PCDHGA3: variants seen among roughly 807,000 people sequenced by gnomAD.
PCDHGA3 encodes the protein protocadherin gamma subfamily A, 3.
PCDHGA3 carries 40 observed loss-of-function variants against 58.5 expected under a neutral mutation model. The ratio of observed to expected loss-of-function variants is 0.68; its 90% CI spans 0.53 to 0.89. The LOEUF is 0.89. PCDHGA3 is among the 40% of genes least tolerant of loss of function. The pLI, the probability that PCDHGA3 is intolerant of heterozygous loss-of-function variation, is 0.00. For synonymous variants in PCDHGA3, 530 were observed against 525.7 expected (o/e 1.01, Z -0.11); for missense variants, 1,223 against 1,195.9 (o/e 1.02, Z -0.33).
intron 1 of PCDHGA3, among the ~76,000 whole-genome samples, chr5:141,437,886 C>T (rs763669578): frequency 1.1e-4 from 17 of 152,140 alleles, no homozygotes; most frequent in Non-Finnish European, 1.5e-4. Context: ...TACAGGCACA[C>T]GCCACCACAC....
In PCDHGA3 at chr5:141,392,739, A is replaced by G. The variant is rs1024855569; in HGVS notation, c.2424+46282A>G. On this transcript the variant is annotated intron_variant, in intron 1 of 3. Transcript: ENST00000253812. ...GTTTCCGGAGGATTGTCATCTCCAT[A>G]GCTGCGGCAAGAAACTAAATAAGAC... The G allele has an allele frequency of 2.1e-5, 30 of 1,432,662 alleles. No individual in the cohort carries two copies. The African/African-American group carries it at 4.2e-4, about 20-fold the overall frequency. 88.7% of individuals were successfully genotyped at this position (1,432,662 alleles called of 1,614,324 possible).
At chr5:141,450,869 G>A (rs1435272731) in intron 1 of PCDHGA3, among the ~76,000 whole-genome samples, 1 of 147,142 alleles carries the variant, frequency 6.8e-6, no homozygotes, top group Admixed American at 6.9e-5. Context: ...CTGTCACCCA[G>A]GCTGGTGTGC....
chr5:141,345,305 C>T lies in PCDHGA3; in HGVS notation c.1272C>T (p.Ala424=), dbSNP rs1757552187. The T allele has an allele frequency of 6.2e-6, 10 of 1,613,974 alleles. No homozygotes were observed. The highest frequency in any genetic ancestry group is 8.5e-6 in the Non-Finnish European group (10 of 1,179,874). The change falls in exon 1 of 4, where the codon GCC becomes GCT. Residue 424 remains alanine (A), a synonymous_variant. Coordinates refer to ENST00000253812, the MANE Select transcript of PCDHGA3 (RefSeq NM_018916.4). ...QISEYNISLR[A]SDGGSPPLST... ...CAGAATATAACATTAGTCTGAGAGC[C>T]TCAGATGGGGGAAGCCCGCCACTGT...
intron 1 of PCDHGA3, among the ~76,000 whole-genome samples, chr5:141,439,631 A>C (rs1459977985): frequency 2.0e-5 from 3 of 152,214 alleles, no homozygotes; most frequent in Non-Finnish European, 2.9e-5. Context: ...ATCCCCAGAC[A>C]TTCCGGCTTG....
chr5:141,416,722 A>G (rs891558095), intron 1 of PCDHGA3: 3 of 152,258 alleles, frequency 2.0e-5, no homozygotes, highest in Admixed American at 6.5e-5. Context: ...TGATGAGTTC[A>G]TTTAGTTCAA....
intron 2 of PCDHGA3, among the ~76,000 whole-genome samples, chr5:141,495,922 C>G (rs1263216717): frequency 6.6e-6 from 1 of 152,100 alleles, no homozygotes; most frequent in Non-Finnish European, 1.5e-5. Context: ...CTTTCTTTGT[C>G]TCTGTCTCTG....
chr5:141,346,453 T>A lies in PCDHGA3; in HGVS notation c.2420T>A (p.Leu807His). ...GAAATGAAAGGAGATTCCAACCTAC[T>A]TCAGGTGAGTTTATTTATTTCTTTG... ...LLEMKGDSNL[L>H]QQAPPNTDWR... Residue 807 changes from leucine (L) to histidine (H), a missense_variant, in exon 1 of 4, where the codon CTT becomes CAT. Leu to His is a moderately conservative substitution (Grantham distance 99, BLOSUM62 -3). This residue lies in a region of PCDHGA3 where 325 missense variants were observed against 327.5 expected (regional missense o/e 0.99). Coordinates refer to ENST00000253812, the MANE Select transcript of PCDHGA3 (RefSeq NM_018916.4). The A allele has an allele frequency of 2.5e-6, 4 of 1,614,204 alleles. No individual in the cohort carries two copies. The highest frequency in any genetic ancestry group is 3.4e-6 in the Non-Finnish European group (4 of 1,180,038).
In PCDHGA3 at chr5:141,431,777, G is replaced by T. The variant is rs151011884; in HGVS notation, c.2425-63030G>T. 5,401 of 1,614,186 alleles carry T rather than the reference G, an allele frequency of 3.3e-3. 6 individuals are homozygous for T. Among genetic ancestry groups the T allele is most frequent in the Non-Finnish European group, 4.2e-3 (4,899 of 1,180,002 alleles). On this transcript the variant is annotated intron_variant, in intron 1 of 3. Coordinates refer to ENST00000253812, the MANE Select transcript of PCDHGA3 (RefSeq NM_018916.4). The surrounding 1 kb of genome is among the most constrained non-coding windows in gnomAD (Gnocchi z 4.8). ...CAAAGTCCTGATCACTGTTCTGGAC[G>T]TGAACGACAATGCCCCAGAAGTGGT...
At chr5:141,400,440 A>G (rs1351638844) in intron 1 of PCDHGA3, 2 of 1,614,094 alleles carry the variant, frequency 1.2e-6, no homozygotes, top group Non-Finnish European at 1.7e-6. Context: ...AATTGAGTTC[A>G]GGACAAGACA....
intron 1 of PCDHGA3, chr5:141,366,337 T>C (rs370359448): frequency 2.7e-5 from 44 of 1,613,760 alleles, no homozygotes; most frequent in East Asian, 2.2e-5. Flanking sequence ...ACAGGATCCC[T>C]GACATCCTGG....
intron 1 of PCDHGA3, among the ~76,000 whole-genome samples, chr5:141,353,206 T>A (rs1759215338): frequency 6.6e-6 from 1 of 152,198 alleles, no homozygotes. Context: ...TAAAGAGACC[T>A]GTTTCCTAGA....
At chr5:141,484,317 T>C (rs939085863) in intron 1 of PCDHGA3, among the ~76,000 whole-genome samples, 1 of 152,220 alleles carries the variant, frequency 6.6e-6, no homozygotes, top group Non-Finnish European at 1.5e-5. Context: ...CCCGCTTCCA[T>C]ACTGTCCTTG....
At chr5:141,451,526 G>T (rs896029145) in intron 1 of PCDHGA3, among the ~76,000 whole-genome samples, 1 of 152,168 alleles carries the variant, frequency 6.6e-6, no homozygotes, top group African/African-American at 2.4e-5. Flanking sequence ...GCAAGTAAAG[G>T]AGAGTGCCAG....
intron 1 of PCDHGA3, chr5:141,366,290 C>T: frequency 6.2e-7 from 1 of 1,613,732 alleles, no homozygotes; most frequent in Admixed American, 1.7e-5. Context: ...CCAGCCCCCT[C>T]TGTCAGCCAC....
intron 1 of PCDHGA3, chr5:141,419,395 G>A: frequency 6.2e-7 from 1 of 1,613,596 alleles, no homozygotes; most frequent in Non-Finnish European, 8.5e-7. Context: ...CGCAGAGCGG[G>A]GTGGTGTTCG....
At chr5:141,410,595 C>T (rs753833671) in intron 1 of PCDHGA3, 1 of 1,608,802 alleles carries the variant, frequency 6.2e-7, no homozygotes. Flanking sequence ...GAGGATTTGA[C>T]TTCACATCCT....
rs938964469 is a variant in PCDHGA3 at position 141,485,439 on chromosome 5, C to T, written c.2425-9368C>T. On this transcript the variant is annotated intron_variant, in intron 1 of 3. Transcript: ENST00000253812. This position sits in a 1 kb window ranked among gnomAD's most constrained non-coding sequence, Gnocchi z 5.7. The stretch of plus-strand genomic sequence containing the variant: ...AGCGGAGCCCTGCTCATCAAGAACC[C>T]AATCGACCGAGAGGCACTGTGTGGG... The T allele has an allele frequency of 1.1e-5, 18 of 1,614,182 alleles. No homozygotes were observed. Among genetic ancestry groups the T allele is most frequent in the Non-Finnish European group, 1.5e-5 (18 of 1,180,036 alleles).
At chr5:141,403,196 G>A (rs762413220) in intron 1 of PCDHGA3, 6 of 1,613,986 alleles carry the variant, frequency 3.7e-6, no homozygotes, top group East Asian at 4.5e-5. Flanking sequence ...CCCGCGCAGC[G>A]GCACCTTGGT....
chr5:141,374,701 C>CA (rs1561563973), intron 1 of PCDHGA3: 1 of 1,608,962 alleles, frequency 6.2e-7, no homozygotes, highest in South Asian at 1.1e-5. Context: ...AAGGAGAAGC[C>CA]GTTTACCGCC....
Sources: gnomAD v4.1 joint callset for allele counts (sites outside exome capture counted in the v4.1 genomes callset) on GRCh38, gnomAD v4.1.1 for gene constraint, gnomAD v4.1.1 regional missense constraint, Gnocchi (gnomAD v3.1) non-coding constraint, MANE v1.5 for transcripts, NCBI Gene and HGNC (gene_info 2026-07-23, HGNC 2026-07-21) for gene names.